The following FTO variants were observed in gnomAD, a reference collection of about 807,000 sequenced individuals.
The protein encoded by FTO is alpha-ketoglutarate-dependent dioxygenase FTO.
Under a neutral mutation model 63.9 loss-of-function variants are expected in FTO, and 47 were observed. The observed-to-expected ratio is 0.74, with a 90% CI of 0.58 to 0.94. FTO has a LOEUF of 0.94. Ranked by LOEUF, FTO falls within the 40% of genes least tolerant of loss-of-function variation. FTO has a pLI of 0.00. For synonymous variants in FTO, 207 were observed against 224.4 expected, an observed-to-expected ratio of 0.92 and a Z score of 0.69; for missense variants, 562 against 618.1, an observed-to-expected ratio of 0.91 and a Z score of 0.96.
In FTO at chr16:53,888,932, G is replaced by A; in HGVS notation, c.1220G>A (p.Trp407Ter). 1 of 1,614,080 alleles carries A rather than the reference G, an allele frequency of 6.2e-7. No homozygotes were observed. Among genetic ancestry groups the A allele is most frequent in the Non-Finnish European group, 8.5e-7 (1 of 1,179,956 alleles). ...CCCATGGCTCAACTGGAAGCACTGT[G>A]GAAGAAGATGGAGGGTGTGGTAAGT... is the stretch of plus-strand genomic sequence containing the variant. ...CQPMAQLEALWKKMEGVTNAV... is the reference protein window; with the variant it reads ...CQPMAQLEAL Residue 407 changes from tryptophan (W) to a stop codon, truncating the protein, a stop_gained, in exon 7 of 9, where the codon TGG becomes TAG. Coordinates refer to ENST00000471389, the MANE Select transcript of FTO (RefSeq NM_001080432.3). LOFTEE classifies it high-confidence loss of function.
intron 4 of FTO, among the ~76,000 whole-genome samples, chr16:53,847,195 A>G (rs922235235): frequency 2.6e-5 from 4 of 152,190 alleles, no homozygotes; most frequent in African/African-American, 9.7e-5. Flanking sequence ...ACAGCTAGTA[A>G]GAAGCATGGA....
intron 8 of FTO, among the ~76,000 whole-genome samples, chr16:54,014,908 T>C (rs1165456263): frequency 6.8e-6 from 1 of 147,112 alleles, no homozygotes; most frequent in African/African-American, 2.5e-5. Flanking sequence ...CAGTCTGGAG[T>C]GCAGTAGTGC....
At chr16:53,953,544 G>A (rs2082849739) in intron 8 of FTO, among the ~76,000 whole-genome samples, 1 of 152,172 alleles carries the variant, frequency 6.6e-6, no homozygotes, top group Admixed American at 6.5e-5. Flanking sequence ...CTAATGTAAA[G>A]CAAAAAGAGT....
intron 8 of FTO, among the ~76,000 whole-genome samples, chr16:53,934,871 T>A (rs2082354091): frequency 6.6e-6 from 1 of 152,204 alleles, no homozygotes; most frequent in African/African-American, 2.4e-5. Flanking sequence ...AGCCTATTTA[T>A]CAACCCGATT....
chr16:54,054,322 G>T (rs2689271), intron 8 of FTO, among the ~76,000 whole-genome samples: 20,650 of 152,086 alleles, frequency 0.14, 2,020 homozygotes, highest in African/African-American at 0.26. Flanking sequence ...ACTAGAAACT[G>T]TAGAAACGGG....
At chr16:53,907,265 T>G (rs1047652417) in intron 7 of FTO, among the ~76,000 whole-genome samples, 1 of 152,232 alleles carries the variant, frequency 6.6e-6, no homozygotes, top group South Asian at 2.1e-4. Context: ...GACTTAAACA[T>G]GCTCAGAACG....
At chr16:53,720,601 C>T (rs2076013310) in intron 1 of FTO, among the ~76,000 whole-genome samples, 1 of 145,216 alleles carries the variant, frequency 6.9e-6, no homozygotes, top group Admixed American at 6.9e-5. Flanking sequence ...ATTAGGAACA[C>T]AGAAACTTAA....
intron 7 of FTO, among the ~76,000 whole-genome samples, chr16:53,916,761 T>C (rs1209372688): frequency 6.6e-6 from 1 of 152,262 alleles, no homozygotes; most frequent in Non-Finnish European, 1.5e-5. Context: ...GACGCATTCC[T>C]TTCATATGTA....
chr16:54,019,380 T>C (rs1163888889), intron 8 of FTO, among the ~76,000 whole-genome samples: 1 of 152,218 alleles, frequency 6.6e-6, no homozygotes, highest in Admixed American at 6.5e-5. Context: ...GCACCAACAG[T>C]GCCTCCCATA....
Position 53,764,475 on chromosome 16 carries a change from C to CAAAAA in FTO, c.46-45653_46-45649dup, listed in dbSNP as rs56906281. 1.7e-4 allele frequency among the ~76,000 whole-genome samples: 20 copies of CAAAAA among 118,716 alleles called. 1 individual carries two copies. In the East Asian group the frequency reaches 3.1e-3, roughly 18 times the overall value. The allele number at this position is 118,716 out of a possible 152,430, so 77.9% of individuals were successfully genotyped here. A position where few individuals can be genotyped will look rare whatever the true frequency, so the allele number is the denominator to read the frequency against. ...TGAAACCCCATCTCTACTAAAAATA[C>CAAAAA]AAAAAAAAAAAAAAAAGAAAAGAGG... On this transcript the variant is annotated intron_variant, in intron 1 of 8. Transcript: ENST00000471389.
chr16:53,809,999 T>C (rs1246662213), intron 1 of FTO, 141 bp from the exon 2 acceptor site: 1 of 594,276 alleles, frequency 1.7e-6, no homozygotes, highest in Non-Finnish European at 3.0e-6. Flanking sequence ...ATAATTGAGA[T>C]TTGACTAATT....
chr16:53,716,718 A>G (rs921818866), intron 1 of FTO, among the ~76,000 whole-genome samples: 1 of 151,830 alleles, frequency 6.6e-6, no homozygotes, highest in African/African-American at 2.4e-5. Flanking sequence ...ATAGAGAAGC[A>G]TTTCTTAAAT....
intron 8 of FTO, among the ~76,000 whole-genome samples, chr16:53,977,322 T>G (rs2143785519): frequency 6.6e-6 from 1 of 152,294 alleles, no homozygotes; most frequent in East Asian, 1.9e-4. Flanking sequence ...CATCTTTCCA[T>G]TTCTGAAATA....
chr16:53,878,627 G>A (rs1221418482), intron 5 of FTO, among the ~76,000 whole-genome samples: 1 of 152,196 alleles, frequency 6.6e-6, no homozygotes, highest in Non-Finnish European at 1.5e-5. Flanking sequence ...AAATATTTTA[G>A]GGATACATTT....
intron 8 of FTO, among the ~76,000 whole-genome samples, chr16:54,006,185 A>G (rs1365945202): frequency 1.3e-5 from 2 of 152,220 alleles, no homozygotes; most frequent in Non-Finnish European, 2.9e-5. Context: ...CTAGCTTACT[A>G]AGCCCTATTT....
chr16:53,761,706 C>T (rs987419867), intron 1 of FTO, among the ~76,000 whole-genome samples: 2 of 151,970 alleles, frequency 1.3e-5, no homozygotes, highest in Admixed American at 1.3e-4. Flanking sequence ...AAAGAATTCT[C>T]TACTGTTTTG....
At chr16:53,774,777 C>T (rs2077423688) in intron 1 of FTO, among the ~76,000 whole-genome samples, 1 of 152,094 alleles carries the variant, frequency 6.6e-6, no homozygotes, top group South Asian at 2.1e-4. Context: ...TCATCTGTCA[C>T]ACTCGGGAAG....
At chr16:54,054,843 G>A (rs1023173738) in intron 8 of FTO, among the ~76,000 whole-genome samples, 20 of 152,164 alleles carry the variant, frequency 1.3e-4, no homozygotes, top group African/African-American at 4.8e-4. Context: ...GTGGAAAATT[G>A]GGGCTAAAGG....
At chr16:53,943,052 T>A (rs186222465) in intron 8 of FTO, among the ~76,000 whole-genome samples, 1 of 152,322 alleles carries the variant, frequency 6.6e-6, no homozygotes, top group Non-Finnish European at 1.5e-5. Flanking sequence ...CCCTTCGCTT[T>A]TAATAATTAC....
Sources: allele counts gnomAD v4.1 joint callset (sites outside exome capture counted in the v4.1 genomes callset), GRCh38; gene constraint gnomAD v4.1.1; transcripts MANE v1.5; gene names NCBI Gene and HGNC (gene_info 2026-07-23, HGNC 2026-07-21).